Variants in DOK6 observed in about 807,000 individuals in gnomAD.
The protein encoded by DOK6 is docking protein 6.
Under a neutral mutation model 44.0 loss-of-function variants are expected in DOK6, and 22 were observed. The ratio of observed to expected loss-of-function variants is 0.50; its 90% CI spans 0.36 to 0.71. The LOEUF is 0.71. Ranked by LOEUF, DOK6 falls within the 30% of genes least tolerant of loss-of-function variation. The pLI, the probability that DOK6 is intolerant of heterozygous loss-of-function variation, is 0.00. For missense variants in DOK6, 340 were observed against 416.4 expected, an observed-to-expected ratio of 0.82 and a Z score of 1.60; for synonymous variants, 166 against 145.5, an observed-to-expected ratio of 1.14 and a Z score of -1.01.
intron 3 of DOK6, among the ~76,000 whole-genome samples, chr18:69,642,607 T>A (rs1353288023): frequency 2.6e-5 from 4 of 152,238 alleles, no homozygotes; most frequent in African/African-American, 9.6e-5. Flanking sequence ...ATTCTTTTTT[T>A]ATTTCAAAAT....
intron 1 of DOK6, among the ~76,000 whole-genome samples, chr18:69,507,248 T>C (rs966247044): frequency 5.9e-5 from 9 of 151,942 alleles, no homozygotes; most frequent in East Asian, 1.9e-4. Flanking sequence ...AGAATGGTCT[T>C]GATCTCCTGA....
At chr18:69,455,124 C>T (rs1232392462) in intron 1 of DOK6, among the ~76,000 whole-genome samples, 2 of 134,666 alleles carry the variant, frequency 1.5e-5, no homozygotes, top group African/African-American at 5.6e-5. Flanking sequence ...GTTTAGAATT[C>T]GCCTTTAGGT....
intron 1 of DOK6, among the ~76,000 whole-genome samples, chr18:69,468,118 C>A (rs2122483977): frequency 6.6e-6 from 1 of 152,200 alleles, no homozygotes; most frequent in African/African-American, 2.4e-5. Context: ...ATGTATCATT[C>A]TTTGGCTTAT....
chr18:69,784,345 T>C (rs1035300559), intron 7 of DOK6, among the ~76,000 whole-genome samples: 1 of 152,088 alleles, frequency 6.6e-6, no homozygotes. Context: ...GCAGGAAATA[T>C]GGACTTATCT....
At chr18:69,789,465 GTGTT>G (rs535669648) in intron 7 of DOK6, among the ~76,000 whole-genome samples, 10 of 152,034 alleles carry the variant, frequency 6.6e-5, no homozygotes, top group Non-Finnish European at 1.5e-4. Context: ...GTATGCGTGT[GTGTT>G]TGTGTGTGTG....
Position 69,841,349 on chromosome 18 carries a change from A to G in DOK6, c.962A>G (p.Tyr321Cys), listed in dbSNP as rs773042950. The part of the protein sequence containing the change: ...AQQPLSRSSS[Y>C]GFSYSSSLIQ ...CAGCCGTTGTCGCGGTCCAGCAGCT[A>G]TGGATTCAGCTACAGCTCCAGCCTC... Residue 321 changes from tyrosine (Y) to cysteine (C), a missense_variant, in exon 8 of 8, where the codon TAT becomes TGT. Tyr to Cys is a radical substitution (Grantham distance 194). This residue lies in a region of DOK6 where 112 missense variants were observed against 109.3 expected (regional missense o/e 1.02). Coordinates refer to ENST00000382713, the MANE Select transcript of DOK6 (RefSeq NM_152721.6). The G allele has an allele frequency of 6.2e-7, 1 of 1,614,160 alleles. No individual in the cohort carries two copies. Among genetic ancestry groups the G allele is most frequent in the Non-Finnish European group, 8.5e-7 (1 of 1,180,022 alleles).
intron 5 of DOK6, among the ~76,000 whole-genome samples, chr18:69,707,543 T>C (rs1376980357): frequency 6.6e-6 from 1 of 151,342 alleles, no homozygotes; most frequent in East Asian, 1.9e-4. Flanking sequence ...TGTACCACTA[T>C]TAGGATCAAG....
At chr18:69,571,883 T>C (rs1037742345) in intron 2 of DOK6, among the ~76,000 whole-genome samples, 1 of 152,038 alleles carries the variant, frequency 6.6e-6, no homozygotes, top group Non-Finnish European at 1.5e-5. Flanking sequence ...AATCAACCAC[T>C]TTGACTTGAT....
At chr18:69,418,614 A>G (rs1978401871) in intron 1 of DOK6, among the ~76,000 whole-genome samples, 1 of 151,874 alleles carries the variant, frequency 6.6e-6, no homozygotes, top group Non-Finnish European at 1.5e-5. Flanking sequence ...GGCACGTGCC[A>G]CTTTGCCCAG....
At chr18:69,402,150 C>G (rs904174898) in intron 1 of DOK6, among the ~76,000 whole-genome samples, 6 of 152,008 alleles carry the variant, frequency 3.9e-5, no homozygotes, top group African/African-American at 1.2e-4. Flanking sequence ...GGCAGGAGGT[C>G]CCTGGGGAGC....
chr18:69,448,745 G>A (rs1191450984), intron 1 of DOK6, among the ~76,000 whole-genome samples: 1 of 152,098 alleles, frequency 6.6e-6, no homozygotes, highest in African/African-American at 2.4e-5. Flanking sequence ...TTGGAACATT[G>A]AATAATCAGA....
chr18:69,443,734 C>T (rs1306643994), intron 1 of DOK6, among the ~76,000 whole-genome samples: 1 of 152,016 alleles, frequency 6.6e-6, no homozygotes, highest in East Asian at 1.9e-4. Context: ...AATTACATGC[C>T]CTTGACTCTG....
intron 7 of DOK6, among the ~76,000 whole-genome samples, chr18:69,806,290 G>A (rs1300830058): frequency 6.6e-6 from 1 of 151,958 alleles, no homozygotes; most frequent in Non-Finnish European, 1.5e-5. Context: ...CTTATTGGAA[G>A]ATAGTTGAAC....
intron 4 of DOK6, among the ~76,000 whole-genome samples, chr18:69,688,028 T>A (rs1228358659): frequency 6.6e-6 from 1 of 152,094 alleles, no homozygotes; most frequent in Non-Finnish European, 1.5e-5. Context: ...AATTTTTAAA[T>A]ATATACTTCT....
At chr18:69,661,719 A>G (rs1985532192) in intron 3 of DOK6, 2 of 152,256 alleles carry the variant, frequency 1.3e-5, no homozygotes, top group Admixed American at 6.5e-5. Flanking sequence ...ATTCTTCATT[A>G]AAATATAGTT....
chr18:69,523,886 A>G (rs190930839), intron 1 of DOK6, among the ~76,000 whole-genome samples: 1 of 152,128 alleles, frequency 6.6e-6, no homozygotes, highest in East Asian at 1.9e-4. Flanking sequence ...AACATCATCT[A>G]CAAATGCATT....
chr18:69,607,163 C>T (rs1239360772), intron 3 of DOK6, among the ~76,000 whole-genome samples: 1 of 152,150 alleles, frequency 6.6e-6, no homozygotes, highest in Non-Finnish European at 1.5e-5. Context: ...TTTGAACAAC[C>T]AGCACATATT....
At chr18:69,511,862 C>T (rs1423956751) in intron 1 of DOK6, among the ~76,000 whole-genome samples, 1 of 152,100 alleles carries the variant, frequency 6.6e-6, no homozygotes, top group Non-Finnish European at 1.5e-5. Context: ...ATTAAGTATT[C>T]ATTAGACTAA....
In DOK6 at chr18:69,604,475, A is replaced by T. The variant is rs1983949034; in HGVS notation, c.289+4977A>T. ...TAGATACAAATGTTAATATAGAAGA[A>T]TGCTTTTATTTGAATTTCTAGCAAA... On this transcript the variant is annotated intron_variant, in intron 3 of 7. Transcript: ENST00000382713. Among the ~76,000 whole-genome samples, 3 of 152,234 alleles carry T rather than the reference A, an allele frequency of 2.0e-5. No homozygotes were observed. The South Asian group carries it at 6.2e-4, about 32-fold the overall frequency.
Sources: allele counts gnomAD v4.1 joint callset (sites outside exome capture counted in the v4.1 genomes callset), GRCh38; gene constraint gnomAD v4.1.1; regional missense constraint gnomAD v4.1.1; transcripts MANE v1.5; gene names NCBI Gene and HGNC (gene_info 2026-07-23, HGNC 2026-07-21).